Variants in KLHL8 observed in about 807,000 individuals in gnomAD.
The protein encoded by KLHL8 is kelch like family member 8, also known as kelch-like protein 8.
In KLHL8, 38 loss-of-function variants were observed where a neutral mutation model predicts 63.5. That is an observed-to-expected ratio of 0.60 (90% CI 0.46 to 0.78). The LOEUF is 0.78. KLHL8 is among the 30% of genes least tolerant of loss of function. The pLI, the probability that KLHL8 is intolerant of heterozygous loss-of-function variation, is 0.00. For missense variants in KLHL8, 566 were observed against 752.4 expected (o/e 0.75, Z 2.90); for synonymous variants, 224 against 254.3 (o/e 0.88, Z 1.13).
At chr4:87,180,849 C>T (rs190656943) in intron 4 of KLHL8, among the ~76,000 whole-genome samples, 6 of 151,810 alleles carry the variant, frequency 4.0e-5, no homozygotes, top group Admixed American at 6.6e-5. Flanking sequence ...TTGAGACCAG[C>T]ATGGGCAATA....
chr4:87,233,065 A>C (rs1217114043), intron 1 of KLHL8, among the ~76,000 whole-genome samples: 3 of 151,630 alleles, frequency 2.0e-5, no homozygotes, highest in Non-Finnish European at 4.4e-5. Context: ...TTTGAGATGG[A>C]GTCTTGCTTT....
At position 87,163,596 on chromosome 4, in the gene KLHL8, C is replaced by T. The variant is rs756747903; in HGVS notation, c.1786G>A (p.Val596Ile). Residue 596 changes from valine (V) to isoleucine (I), a missense_variant, in exon 10 of 10, where the codon GTA becomes ATA. Physicochemically the swap from Val to Ile is conservative, Grantham distance 29 (BLOSUM62 3). Coordinates refer to ENST00000273963, the MANE Select transcript of KLHL8 (RefSeq NM_020803.5). The stretch of plus-strand genomic sequence containing the variant: ...CTAGTTAAACAGGAACACACAGCTA[C>T]TCCTGCTCCAGCTCTGCAGTGAGAC... ...SVSHCRAGAG[V>I]AVCSCLTSQI... 1.9e-6 allele frequency: 3 copies of T among 1,614,046 alleles called. No homozygotes were observed. The highest frequency in any genetic ancestry group is 2.5e-6 in the Non-Finnish European group (3 of 1,180,010).
chr4:87,225,031 G>A (rs942063756), upstream of KLHL8, among the ~76,000 whole-genome samples: 1 of 152,054 alleles, frequency 6.6e-6, no homozygotes, highest in African/African-American at 2.4e-5. Flanking sequence ...TCCTGCCTTA[G>A]CTTCCCGCCT....
intron 3 of KLHL8, among the ~76,000 whole-genome samples, chr4:87,184,371 A>G (rs1479053570): frequency 6.6e-6 from 1 of 152,228 alleles, no homozygotes; most frequent in Non-Finnish European, 1.5e-5. Context: ...ATAAATATCT[A>G]AAATGAGAAC....
chr4:87,164,208 A>T (rs1366090199), intron 8 of KLHL8, 129 bp from the exon 9 acceptor site: 2 of 792,400 alleles, frequency 2.5e-6, no homozygotes, highest in South Asian at 1.8e-5. Flanking sequence ...AATTTTTTTA[A>T]AAAATTCATC....
intron 1 of KLHL8, among the ~76,000 whole-genome samples, chr4:87,232,156 ATCTC>A (rs1243321608): frequency 6.6e-6 from 1 of 152,212 alleles, no homozygotes; most frequent in African/African-American, 2.4e-5. Flanking sequence ...TTCCAAACAC[ATCTC>A]TCTTTCTCCC....
chr4:87,172,787 C>G lies in KLHL8; in HGVS notation c.1209-2172G>C, dbSNP rs191130924. Among the ~76,000 whole-genome samples the G allele has an allele frequency of 8.9e-3, 1,359 of 152,194 alleles. 29 individuals carry two copies. Among genetic ancestry groups the G allele is most frequent in the African/African-American group, 0.03 (1,250 of 41,516 alleles). Reference sequence around the variant, plus strand: ...TCAAGGGATGAAGAATTACAATAACCCTTTTTGGTCTGTCAGACTGTTTTC... The same window carrying G: ...TCAAGGGATGAAGAATTACAATAACGCTTTTTGGTCTGTCAGACTGTTTTC... On this transcript the variant is annotated intron_variant, in intron 6 of 9. Coordinates refer to ENST00000273963, the MANE Select transcript of KLHL8 (RefSeq NM_020803.5).
At chr4:87,226,839 T>TATATATATTATATATAAATA (rs1331144895) in intron 1 of KLHL8, among the ~76,000 whole-genome samples, 1 of 6,146 alleles carries the variant, frequency 1.6e-4, no homozygotes, top group African/African-American at 7.4e-4. Context: ...TTATAAATAA[T>TATATATATTATATATAAATA]ATATATATTA....
chr4:87,219,329 T>A (rs923513841), intron 1 of KLHL8, among the ~76,000 whole-genome samples: 1 of 152,138 alleles, frequency 6.6e-6, no homozygotes, highest in Admixed American at 6.5e-5. Flanking sequence ...GATTTCCTTC[T>A]AGAGAGAGAA....
At chr4:87,179,486 T>G (rs1730965141) in intron 4 of KLHL8, among the ~76,000 whole-genome samples, 3 of 152,154 alleles carry the variant, frequency 2.0e-5, no homozygotes, top group Admixed American at 2.0e-4. Context: ...TTAAAAATGG[T>G]TAAAATGGGC....
chr4:87,161,843 A>AG lies in KLHL8; in HGVS notation c.*1675dup, dbSNP rs1578351059. The stretch of plus-strand genomic sequence containing the variant: ...AGCAATGACTTATGAACTTGCCCAT[A>AG]GGTAGAAAAAAATAGCTTACTGGAT... On this transcript the variant is annotated 3_prime_UTR_variant, in exon 10 of 10. Transcript: ENST00000273963. The AG allele has an allele frequency of 3.9e-5, 6 of 152,366 alleles. No homozygotes were observed. In the East Asian group the frequency reaches 1.2e-3, roughly 29 times the overall value. The allele number at this position is 152,366 out of a possible 1,614,324, so 9.4% of individuals were successfully genotyped here.
chr4:87,169,936 C>A (rs1730572959), intron 8 of KLHL8, 143 bp downstream of exon 8: 2 of 609,004 alleles, frequency 3.3e-6, no homozygotes, highest in South Asian at 2.7e-5. Flanking sequence ...TAATTATAAA[C>A]AAAATTTTGT....
rs543970975 is a variant in KLHL8 at position 87,199,025 on chromosome 4, C to CT, written c.-151-3336dup. ...AATCTACAATGGTCTCAAGTAAAGACTTTTTTAAAAAGAGAGATTTTCAGA... is the reference window on the plus strand; with the variant it reads ...AATCTACAATGGTCTCAAGTAAAGACTTTTTTTAAAAAGAGAGATTTTCAGA... On this transcript the variant is annotated intron_variant, in intron 1 of 9. Coordinates refer to ENST00000273963, the MANE Select transcript of KLHL8 (RefSeq NM_020803.5). Among the ~76,000 whole-genome samples the CT allele has an allele frequency of 1.3e-4, 20 of 152,162 alleles. No homozygotes were observed. In the South Asian group the frequency reaches 4.1e-3, roughly 32 times the overall value.
intron 1 of KLHL8, among the ~76,000 whole-genome samples, chr4:87,199,627 A>T (rs1036749959): frequency 1.3e-5 from 2 of 151,522 alleles, no homozygotes; most frequent in African/African-American, 4.8e-5. Context: ...TAATATCCAG[A>T]TATACAAAGA....
intron 1 of KLHL8, among the ~76,000 whole-genome samples, chr4:87,195,986 A>G (rs1444012796): frequency 2.0e-5 from 3 of 152,042 alleles, no homozygotes; most frequent in Non-Finnish European, 4.4e-5. Context: ...TCTATTTTTT[A>G]ATTTTTATTT....
intron 8 of KLHL8, among the ~76,000 whole-genome samples, chr4:87,164,876 C>T (rs577049642): frequency 6.4e-4 from 98 of 152,112 alleles, no homozygotes; most frequent in South Asian, 1.0e-3. Flanking sequence ...AGGCCGGGCG[C>T]GGTGGCTCAC....
At chr4:87,240,505 T>C (rs1733309002), upstream of KLHL8, among the ~76,000 whole-genome samples, 1 of 152,202 alleles carries the variant, frequency 6.6e-6, no homozygotes, top group African/African-American at 2.4e-5. Flanking sequence ...TCTTTTTGTT[T>C]ACTCTGCTTG....
chr4:87,177,111 C>T (rs1730851851), intron 5 of KLHL8, among the ~76,000 whole-genome samples: 1 of 152,106 alleles, frequency 6.6e-6, no homozygotes, highest in African/African-American at 2.4e-5. Flanking sequence ...ATTATCGCCC[C>T]CCCTTAGGCT....
At position 87,177,513 on chromosome 4, in the gene KLHL8, CACAA is replaced by C. The variant is rs199909317; in HGVS notation, c.1097-649_1097-646del. ...GAGCGAAACTTCATCTCAAAAAAAA[CACAA>C]ACAAACAAACAAACAAAAACTATAT... On this transcript the variant is annotated intron_variant, in intron 5 of 9. Transcript: ENST00000273963. Among the ~76,000 whole-genome samples the C allele has an allele frequency of 1.6e-3, 242 of 150,864 alleles. 4 individuals carry two copies. In the East Asian group the frequency reaches 0.035, roughly 22 times the overall value.
Sources: allele counts gnomAD v4.1 joint callset (sites outside exome capture counted in the v4.1 genomes callset), GRCh38; gene constraint gnomAD v4.1.1; transcripts MANE v1.5; gene names NCBI Gene and HGNC (gene_info 2026-07-23, HGNC 2026-07-21).